Variants in PTAFR observed in about 807,000 individuals in gnomAD.
PTAFR encodes platelet activating factor receptor.
PTAFR carries 8 observed loss-of-function variants against 14.7 expected under a neutral mutation model. The observed-to-expected ratio is 0.54, with a 90% CI of 0.32 to 0.98. The LOEUF is 0.98. PTAFR is among the 50% of genes least tolerant of loss of function. The pLI, the probability that PTAFR is intolerant of heterozygous loss-of-function variation, is 0.04. For synonymous variants in PTAFR, 156 were observed against 176.5 expected (o/e 0.88, Z 0.92); for missense variants, 337 against 451.2 (o/e 0.75, Z 2.29).
At chr1:28,157,035 G>C (rs1438046360) in intron 1 of PTAFR, among the ~76,000 whole-genome samples, 1 of 152,332 alleles carries the variant, frequency 6.6e-6, no homozygotes, top group East Asian at 1.9e-4. Context: ...TATTGAGAAA[G>C]CCTTTCCGCC....
chr1:28,148,481 T>G lies in PTAFR; in HGVS notation c.*1512A>C. On this transcript the variant is annotated 3_prime_UTR_variant, in exon 2 of 2. Coordinates refer to ENST00000373857, the MANE Select transcript of PTAFR (RefSeq NM_000952.5). ...CTGGACAGCTCCAATTTTGCCTTTT[T>G]TGTTTGTTTGTTTGTTTTTGACACA... 1 of 152,232 alleles carries G rather than the reference T, an allele frequency of 6.6e-6. No homozygotes were observed. Among genetic ancestry groups the G allele is most frequent in the Non-Finnish European group, 1.5e-5 (1 of 68,518 alleles). 9.4% of individuals were successfully genotyped at this position (152,232 alleles called of 1,614,324 possible).
At chr1:28,180,834 G>C (rs1247407295), upstream of PTAFR, among the ~76,000 whole-genome samples, 2 of 150,274 alleles carry the variant, frequency 1.3e-5, no homozygotes, top group South Asian at 4.2e-4. Flanking sequence ...GAAGGAGAGA[G>C]AAAGTAAAGA....
chr1:28,155,853 G>C (rs536858785), intron 1 of PTAFR, among the ~76,000 whole-genome samples: 78 of 151,484 alleles, frequency 5.1e-4, no homozygotes, highest in African/African-American at 1.7e-3. Flanking sequence ...GGGCAACACA[G>C]CAAGACCCTG....
chr1:28,149,325 C>CTTTTTTTTTTTTT lies in PTAFR; in HGVS notation c.*655_*667dup, dbSNP rs34668678. 1.4e-5 allele frequency: 1 copy of CTTTTTTTTTTTTT among 69,554 alleles called. No individual in the cohort carries two copies. Among genetic ancestry groups the CTTTTTTTTTTTTT allele is most frequent in the Admixed American group, 1.7e-4 (1 of 5,994 alleles). 4.3% of individuals were successfully genotyped at this position (69,554 alleles called of 1,614,324 possible). ...ATCACTTGAGAGTAGTTGCCCAAAG[C>CTTTTTTTTTTTTT]TTTTTTTTTTTTTTTTTTTTTTTTT... On this transcript the variant is annotated 3_prime_UTR_variant, in exon 2 of 2. Coordinates refer to ENST00000373857, the MANE Select transcript of PTAFR (RefSeq NM_000952.5).
chr1:28,157,692 G>A (rs1294923434), intron 1 of PTAFR, among the ~76,000 whole-genome samples: 2 of 149,268 alleles, frequency 1.3e-5, no homozygotes, highest in Admixed American at 6.7e-5. Flanking sequence ...GCAGTGGCGC[G>A]ATCTCAGCTC....
chr1:28,159,808 G>A (rs375728118), intron 1 of PTAFR, among the ~76,000 whole-genome samples: 5 of 147,200 alleles, frequency 3.4e-5, no homozygotes, highest in South Asian at 2.2e-4. Context: ...CCTGAGCAAC[G>A]AGAACGAAAC....
intron 1 of PTAFR, among the ~76,000 whole-genome samples, chr1:28,171,738 A>G (rs752568742): frequency 6.6e-6 from 1 of 152,126 alleles, no homozygotes. Context: ...AGAGTTACCC[A>G]GTGTTCCTTC....
chr1:28,164,114 C>T (rs575930482), intron 1 of PTAFR, among the ~76,000 whole-genome samples: 1 of 152,276 alleles, frequency 6.6e-6, no homozygotes, highest in South Asian at 2.1e-4. Context: ...AAGGGGTTCT[C>T]ATCCATAGCT....
chr1:28,170,555 A>G (rs1246794580), intron 1 of PTAFR, among the ~76,000 whole-genome samples: 1 of 151,358 alleles, frequency 6.6e-6, no homozygotes, highest in African/African-American at 2.4e-5. Context: ...TTAAAAATTA[A>G]AAAAAAAATT....
chr1:28,172,581 T>A (rs1646464207), intron 1 of PTAFR, among the ~76,000 whole-genome samples: 1 of 152,144 alleles, frequency 6.6e-6, no homozygotes, highest in African/African-American at 2.4e-5. Context: ...GAGAGCTGAG[T>A]GAAGCAATTT....
intron 1 of PTAFR, among the ~76,000 whole-genome samples, chr1:28,169,604 C>T (rs947614184): frequency 6.6e-6 from 1 of 152,214 alleles, no homozygotes; most frequent in Non-Finnish European, 1.5e-5. Context: ...CAAGCATGTC[C>T]TCCCTCTGAT....
chr1:28,169,536 G>T (rs1296512834), intron 1 of PTAFR, among the ~76,000 whole-genome samples: 3 of 152,174 alleles, frequency 2.0e-5, no homozygotes, highest in Non-Finnish European at 2.9e-5. Flanking sequence ...AGACTCTGTA[G>T]TCAGACAAAC....
chr1:28,187,762 C>A (rs1050337416), intron 1 of PTAFR, among the ~76,000 whole-genome samples: 2 of 152,078 alleles, frequency 1.3e-5, no homozygotes, highest in Non-Finnish European at 2.9e-5. Context: ...GGATTACGGG[C>A]GTGAGGCACC....
At position 28,186,477 on chromosome 1, in the gene PTAFR, T is replaced by G. The variant is rs78366077; in HGVS notation, c.-39+7245A>C. ...AATCCCAATAGTTTTCCCAGAAAAT[T>G]TATAGGCTAATCCTAAAATTCGAAA... On this transcript the variant is annotated intron_variant, in intron 1 of 1. Transcript: ENST00000305392. Among the ~76,000 whole-genome samples, 330 of 152,314 alleles carry G rather than the reference T, an allele frequency of 2.2e-3. 14 individuals carry two copies. The East Asian group carries it at 0.058, about 27-fold the overall frequency.
chr1:28,154,249 GGAAGCTGACTACGGGGTGGTTATAT>G (rs1646236085), intron 1 of PTAFR, among the ~76,000 whole-genome samples: 2 of 152,280 alleles, frequency 1.3e-5, no homozygotes, highest in South Asian at 2.1e-4. Context: ...CTACAGAATA[GGAAGCTGACTACGGGGTGGTTATAT>G]GACTTGTGCA....
intron 1 of PTAFR, among the ~76,000 whole-genome samples, chr1:28,174,681 A>G (rs925336257): frequency 4.6e-5 from 7 of 152,212 alleles, no homozygotes; most frequent in African/African-American, 1.7e-4. Context: ...TTCATCATTC[A>G]TCTGTCCTGT....
In PTAFR at chr1:28,149,723, G is replaced by A. The variant is rs939326596; in HGVS notation, c.*270C>T. ...TGCACCTGGCCCTGACATTCCTTCCGGCCCCATAAGATTAAGGGACTCAGG... is the reference window on the plus strand; with the variant it reads ...TGCACCTGGCCCTGACATTCCTTCCAGCCCCATAAGATTAAGGGACTCAGG... On this transcript the variant is annotated 3_prime_UTR_variant, in exon 2 of 2. Transcript: ENST00000373857. The A allele has an allele frequency of 1.2e-5, 5 of 413,058 alleles. No homozygotes were observed. Among genetic ancestry groups the A allele is most frequent in the Admixed American group, 4.2e-5 (1 of 23,836 alleles). The allele number at this position is 413,058 out of a possible 1,614,324, so 25.6% of individuals were successfully genotyped here.
chr1:28,166,617 G>A (rs1646388032), intron 1 of PTAFR, among the ~76,000 whole-genome samples: 1 of 151,602 alleles, frequency 6.6e-6, no homozygotes, highest in Non-Finnish European at 1.5e-5. Flanking sequence ...GTTGCAGTGA[G>A]CCAAGATCGT....
chr1:28,171,247 C>T (rs897391005), intron 1 of PTAFR, among the ~76,000 whole-genome samples: 47 of 150,592 alleles, frequency 3.1e-4, no homozygotes, highest in African/African-American at 1.1e-3. Flanking sequence ...CACTTGAACC[C>T]GGGAGGGGGA....
Sources: gnomAD v4.1 joint callset for allele counts (sites outside exome capture counted in the v4.1 genomes callset) on GRCh38, gnomAD v4.1.1 for gene constraint, MANE v1.5 for transcripts, NCBI Gene and HGNC (gene_info 2026-07-23, HGNC 2026-07-21) for gene names.